ANKRD13D: variants seen among roughly 807,000 people sequenced by gnomAD.
ANKRD13D encodes ankyrin repeat domain-containing protein 13D.
A neutral mutation model predicts 68.8 loss-of-function variants in ANKRD13D; 24 were observed. The observed-to-expected ratio is 0.35, with a 90% CI of 0.25 to 0.49. The LOEUF (loss-of-function observed/expected upper bound fraction) is 0.49, where lower values mean the gene tolerates loss of function less well. Among genes scored for constraint, ANKRD13D ranks in the 20% least tolerant of loss-of-function variants. ANKRD13D has a pLI of 0.99. For synonymous variants in ANKRD13D, 331 were observed against 336.1 expected, an observed-to-expected ratio of 0.98 and a Z score of 0.16; for missense variants, 735 against 832.1, an observed-to-expected ratio of 0.88 and a Z score of 1.44.
intron 3 of ANKRD13D, 98 bp from the exon 4 acceptor site, chr11:67,291,374 AAGAC>A: frequency 8.7e-7 from 1 of 1,152,800 alleles, no homozygotes; most frequent in Non-Finnish European, 1.2e-6. Context: ...AAAAAAAAAA[AAGAC>A]CTGATGAAGG....
At position 67,300,829 on chromosome 11, in the gene ANKRD13D, C is replaced by T; in HGVS notation, c.1074-161C>T. On this transcript the variant is annotated intron_variant, in intron 10 of 14. Transcript: ENST00000511455. This position sits in a 1 kb window ranked among gnomAD's most constrained non-coding sequence, Gnocchi z 4.3. ...GGCAGCTTGGGCCACGTGGCCAGGA[C>T]ACCAGCTCCCGGGGGAGGCGGGCAG... 1 of 897,652 alleles carries T rather than the reference C, an allele frequency of 1.1e-6. No individual in the cohort carries two copies. The highest frequency in any genetic ancestry group is 1.6e-6 in the Non-Finnish European group (1 of 608,610). The allele number at this position is 897,652 out of a possible 1,614,324, so 55.6% of individuals were successfully genotyped here.
chr11:67,301,890 G>A lies in ANKRD13D; in HGVS notation c.1604+67G>A. 1 of 1,492,038 alleles carries A rather than the reference G, an allele frequency of 6.7e-7. No individual in the cohort carries two copies. Among genetic ancestry groups the A allele is most frequent in the African/African-American group, 1.4e-5 (1 of 71,966 alleles). 92.4% of individuals were successfully genotyped at this position (1,492,038 alleles called of 1,614,324 possible). A position where few individuals can be genotyped will look rare whatever the true frequency, so the allele number is the denominator to read the frequency against. The stretch of plus-strand genomic sequence containing the variant: ...CCCTGGCTTGGCGGGGAGGGGGATA[G>A]CAGGAAGGTGCTAGGACCCCAGGCC... On this transcript the variant is annotated intron_variant, in intron 14 of 14. Coordinates refer to ENST00000511455, the MANE Select transcript of ANKRD13D (RefSeq NM_207354.3). This position sits in a 1 kb window ranked among gnomAD's most constrained non-coding sequence, Gnocchi z 4.5.
chr11:67,289,871 GC>G lies in ANKRD13D; in HGVS notation c.91-203del, dbSNP rs1039879227. 7 of 1,429,706 alleles carry G rather than the reference GC, an allele frequency of 4.9e-6. No individual in the cohort carries two copies. The African/African-American group carries it at 1.0e-4, about 21-fold the overall frequency. 88.6% of individuals were successfully genotyped at this position (1,429,706 alleles called of 1,614,324 possible). On this transcript the variant is annotated intron_variant, in intron 1 of 14. Transcript: ENST00000511455. Reference sequence around the variant, plus strand: ...ACAACCTGCAGCTCTGCCTGACCAGGCCCCGCCGCCAGACCCCGGCTCTGCC... The same window carrying G: ...ACAACCTGCAGCTCTGCCTGACCAGGCCCGCCGCCAGACCCCGGCTCTGCC...
Position 67,299,321 on chromosome 11 carries a change from A to T in ANKRD13D, c.798+197A>T, listed in dbSNP as rs971807205. On this transcript the variant is annotated intron_variant, in intron 7 of 14. Coordinates refer to ENST00000511455, the MANE Select transcript of ANKRD13D (RefSeq NM_207354.3). This position sits in a 1 kb window ranked among gnomAD's most constrained non-coding sequence, Gnocchi z 6.2. ...TCATGGGCCCCTACCCAGGGTACCG[A>T]GATCAAAAGAGGAGTGTGTTCCTCT... The T allele has an allele frequency of 1.4e-6, 1 of 722,616 alleles. No homozygotes were observed. Among genetic ancestry groups the T allele is most frequent in the Admixed American group, 2.7e-5 (1 of 37,666 alleles). 44.8% of individuals were successfully genotyped at this position (722,616 alleles called of 1,614,324 possible).
At position 67,289,471 on chromosome 11, in the gene ANKRD13D, C is replaced by T. The variant is rs1007976621; in HGVS notation, c.11C>T (p.Pro4Leu). Residue 4 changes from proline (P) to leucine (L), a missense_variant, in exon 1 of 15, where the codon CCG (proline) becomes CTG (leucine). By Grantham distance (98) the Pro-to-Leu change is moderately conservative (BLOSUM62 -3). Transcript: ENST00000511455. ...GCGCTGAGGCCCAGCATGGCCGGCC[C>T]GGGCCCCACCTTCCCGCTGCACCGG... MAGPGPTFPLHRLV... is the reference protein window; with the variant it reads MAGLGPTFPLHRLV... 3.3e-6 allele frequency: 5 copies of T among 1,502,460 alleles called. No homozygotes were observed. The highest frequency in any genetic ancestry group is 3.5e-6 in the Non-Finnish European group (4 of 1,133,670). The allele number at this position is 1,502,460 out of a possible 1,614,324, so 93.1% of individuals were successfully genotyped here.
At position 67,301,369 on chromosome 11, in the gene ANKRD13D, C is replaced by T. The variant is rs759176852; in HGVS notation, c.1319C>T (p.Pro440Leu). ...GAGCCCCTGAGCTCCGTGTGGGTGC[C>T]GGCCCCCAGCTCTGCTGTTGCCGCA... Reference protein sequence around the residue: ...CDEPLSSVWVPAPSSAVAASG... With the variant: ...CDEPLSSVWVLAPSSAVAASG... The change falls in exon 12 of 15, where the codon CCG becomes CTG. Residue 440 changes from proline to leucine, a missense_variant. By Grantham distance (98) the Pro-to-Leu change is moderately conservative (BLOSUM62 -3). Transcript: ENST00000511455. The surrounding 1 kb of genome is among the most constrained non-coding windows in gnomAD (Gnocchi z 4.5). The T allele has an allele frequency of 1.9e-5, 30 of 1,613,174 alleles. No homozygotes were observed. The highest frequency in any genetic ancestry group is 2.3e-5 in the Non-Finnish European group (27 of 1,179,630).
At position 67,299,362 on chromosome 11, in the gene ANKRD13D, A is replaced by G. The variant is rs1860884160; in HGVS notation, c.799-168A>G. ...GTGTTCCTCTTGACCCTGGGGCTGC[A>G]TCTCCTCGTTGGTGACTTCCTGGGG... is the stretch of plus-strand genomic sequence containing the variant. On this transcript the variant is annotated intron_variant, in intron 7 of 14. Coordinates refer to ENST00000511455, the MANE Select transcript of ANKRD13D (RefSeq NM_207354.3). The surrounding 1 kb of genome is among the most constrained non-coding windows in gnomAD (Gnocchi z 6.2). 1 of 711,592 alleles carries G rather than the reference A, an allele frequency of 1.4e-6. No individual in the cohort carries two copies. Among genetic ancestry groups the G allele is most frequent in the Admixed American group, 2.8e-5 (1 of 36,336 alleles). The allele number at this position is 711,592 out of a possible 1,614,324, so 44.1% of individuals were successfully genotyped here.
chr11:67,301,467 G>T lies in ANKRD13D; in HGVS notation c.1349-21G>T. On this transcript the variant is annotated intron_variant, in intron 12 of 14. Transcript: ENST00000511455. This position sits in a 1 kb window ranked among gnomAD's most constrained non-coding sequence, Gnocchi z 4.5. ...CACCAAGCCCCGCGGGTTGAGCGTG[G>T]CCCCTCTGCCACCTGCCTAGGGAAC... is the stretch of plus-strand genomic sequence containing the variant. The T allele has an allele frequency of 1.2e-6, 2 of 1,610,354 alleles. No individual in the cohort carries two copies. The highest frequency in any genetic ancestry group is 1.7e-6 in the Non-Finnish European group (2 of 1,178,094).
chr11:67,291,454 A>G (rs1435609500), intron 3 of ANKRD13D, 22 bp from the exon 4 acceptor site: 15 of 1,613,018 alleles, frequency 9.3e-6, no homozygotes, highest in Non-Finnish European at 1.2e-5. Flanking sequence ...GGGCGCTGAC[A>G]AGCAGCTCTG....
intron 3 of ANKRD13D, 28 bp downstream of exon 3, chr11:67,290,474 G>C: frequency 1.3e-6 from 2 of 1,544,484 alleles, no homozygotes; most frequent in Non-Finnish European, 1.8e-6. Context: ...TATGGAGGTG[G>C]GGTACCATGG....
Position 67,300,585 on chromosome 11 carries a change from A to T in ANKRD13D, c.1074-405A>T. ...AGGAGGATTCTCTTAGCCACCCAAC[A>T]GTCGCTGGGATTCGAACCCTGGCAG... On this transcript the variant is annotated intron_variant, in intron 10 of 14. Coordinates refer to ENST00000511455, the MANE Select transcript of ANKRD13D (RefSeq NM_207354.3). This position sits in a 1 kb window ranked among gnomAD's most constrained non-coding sequence, Gnocchi z 4.3. The T allele has an allele frequency of 2.6e-6, 1 of 380,300 alleles. No individual in the cohort carries two copies. 23.6% of individuals were successfully genotyped at this position (380,300 alleles called of 1,614,324 possible).
In ANKRD13D at chr11:67,300,183, T is replaced by C; in HGVS notation, c.1073+60T>C. On this transcript the variant is annotated intron_variant, in intron 10 of 14. Coordinates refer to ENST00000511455, the MANE Select transcript of ANKRD13D (RefSeq NM_207354.3). The surrounding 1 kb of genome is among the most constrained non-coding windows in gnomAD (Gnocchi z 4.3). The stretch of plus-strand genomic sequence containing the variant: ...GGACAAGGGCTCTTGCAGACCCCTC[T>C]CTGGGCCTGTCATAGTTAGGGACCC... 1 of 1,602,494 alleles carries C rather than the reference T, an allele frequency of 6.2e-7. No individual in the cohort carries two copies.
chr11:67,302,460 T>C lies in ANKRD13D; in HGVS notation c.*128T>C, dbSNP rs1245535876. On this transcript the variant is annotated 3_prime_UTR_variant, in exon 15 of 15. Transcript: ENST00000511455. ...AATGAGCAGGCAGGGGAGACTGAGA[T>C]GGAAATAAAGAGACTGTCGCAGCAG... 6 of 1,346,220 alleles carry C rather than the reference T, an allele frequency of 4.5e-6. No homozygotes were observed. The East Asian group carries it at 1.3e-4, about 29-fold the overall frequency. The allele number at this position is 1,346,220 out of a possible 1,614,324, so 83.4% of individuals were successfully genotyped here.
rs1288554849 is a variant in ANKRD13D at position 67,302,252 on chromosome 11, C to CAGGAGGAGCGGG, written c.1741_1752dup (p.Glu581_Glu584dup). ...GGCCCTGGAGTTGTCTTCACGGGAG[C>CAGGAGGAGCGGG]AGGAGGAGCGGGAGCGGCGCGGGCA... On this transcript the variant is annotated inframe_insertion, in exon 15 of 15. Transcript: ENST00000511455. 1.9e-6 allele frequency: 3 copies of CAGGAGGAGCGGG among 1,573,152 alleles called. No homozygotes were observed. The highest frequency in any genetic ancestry group is 2.6e-6 in the Non-Finnish European group (3 of 1,159,012).
In ANKRD13D at chr11:67,301,837, G is replaced by A; in HGVS notation, c.1604+14G>A. Reference sequence around the variant, plus strand: ...TCAGCTGGAGCGGTGAGCCCCTCATGGGGCTGGCTGGGTCCCTGTCCCCCC... The same window carrying A: ...TCAGCTGGAGCGGTGAGCCCCTCATAGGGCTGGCTGGGTCCCTGTCCCCCC... On this transcript the variant is annotated intron_variant, in intron 14 of 14. Transcript: ENST00000511455. The surrounding 1 kb of genome is among the most constrained non-coding windows in gnomAD (Gnocchi z 4.5). The A allele has an allele frequency of 6.4e-7, 1 of 1,574,134 alleles. No individual in the cohort carries two copies.
intron 6 of ANKRD13D, 63 bp downstream of exon 6, chr11:67,292,243 G>A: frequency 6.6e-7 from 1 of 1,511,724 alleles, no homozygotes; most frequent in Non-Finnish European, 9.0e-7. Context: ...CACCATTAAT[G>A]AGGGCAGGGC....
rs1321026679 is a variant in ANKRD13D at position 67,290,532 on chromosome 11, C to T, written c.351+86C>T. 6 of 1,483,274 alleles carry T rather than the reference C, an allele frequency of 4.0e-6. No homozygotes were observed. The African/African-American group carries it at 7.0e-5, about 17-fold the overall frequency. 91.9% of individuals were successfully genotyped at this position (1,483,274 alleles called of 1,614,324 possible). On this transcript the variant is annotated intron_variant, in intron 3 of 14. Transcript: ENST00000511455. ...TGCCAGGCCTGGCCTTGGAAAGGCACCCAGTTTGTGCAGTGTGCCTCCTGC... is the reference window on the plus strand; with the variant it reads ...TGCCAGGCCTGGCCTTGGAAAGGCATCCAGTTTGTGCAGTGTGCCTCCTGC...
rs1393674348 is a variant in ANKRD13D, at chr11:67,291,540, G to A, written c.397+19G>A. ...AGCTGGGGTGAGTGGGGACCTCTGG[G>A]CTCCCAGGGATTTGGGGTGGGGCCT... On this transcript the variant is annotated intron_variant, in intron 4 of 14. Transcript: ENST00000511455. 1 of 1,613,878 alleles carries A rather than the reference G, an allele frequency of 6.2e-7. No homozygotes were observed. The highest frequency in any genetic ancestry group is 1.1e-5 in the South Asian group (1 of 91,080).
intron 1 of ANKRD13D, 131 bp from the exon 2 acceptor site, chr11:67,289,947 A>C: frequency 7.0e-7 from 1 of 1,438,084 alleles, no homozygotes; most frequent in African/African-American, 1.4e-5. Flanking sequence ...CACGCAGGCC[A>C]CCCTCTGCCA....
Sources: gnomAD v4.1 joint callset for allele counts on GRCh38, gnomAD v4.1.1 for gene constraint, Gnocchi (gnomAD v3.1) non-coding constraint, MANE v1.5 for transcripts, NCBI Gene and HGNC (gene_info 2026-07-23, HGNC 2026-07-21) for gene names.